The following COQ5 variants were observed in gnomAD, a reference collection of about 807,000 sequenced individuals.
COQ5 encodes the protein coenzyme Q5, methyltransferase.
A neutral mutation model predicts 40.5 loss-of-function variants in COQ5; 27 were observed. The ratio of observed to expected loss-of-function variants is 0.67; its 90% CI spans 0.49 to 0.92. The LOEUF is 0.92. COQ5 is among the 40% of genes least tolerant of loss of function. The pLI, the probability that COQ5 is intolerant of heterozygous loss-of-function variation, is 0.00. For synonymous variants in COQ5, 141 were observed against 150.0 expected (o/e 0.94, Z 0.44); for missense variants, 409 against 406.4 (o/e 1.01, Z -0.06).
chr12:120,528,735 C>A (rs1870081459), intron 1 of COQ5, among the ~76,000 whole-genome samples: 1 of 150,520 alleles, frequency 6.6e-6, no homozygotes, highest in Non-Finnish European at 1.5e-5. Flanking sequence ...ACCCGGGAGG[C>A]GGAGGTTGCA....
intron 1 of COQ5, 194 bp from the exon 2 acceptor site, chr12:120,522,557 GATTT>G (rs1188575615): frequency 9.2e-6 from 6 of 650,940 alleles, no homozygotes; most frequent in African/African-American, 1.8e-5. Flanking sequence ...TCCTGCCTCA[GATTT>G]ATTTGTACAA....
chr12:120,527,689 T>C (rs1259553154), intron 1 of COQ5, among the ~76,000 whole-genome samples: 1 of 151,964 alleles, frequency 6.6e-6, no homozygotes, highest in African/African-American at 2.4e-5. Flanking sequence ...TTGTAAAATG[T>C]TGATTATACA....
intron 3 of COQ5, among the ~76,000 whole-genome samples, chr12:120,512,185 G>A (rs1565930317): frequency 6.6e-6 from 1 of 152,058 alleles, no homozygotes; most frequent in Non-Finnish European, 1.5e-5. Flanking sequence ...ACTCCAGCCT[G>A]GGTGACAGAA....
At chr12:120,511,774 GTAAAC>G (rs1869146311) in intron 3 of COQ5, among the ~76,000 whole-genome samples, 1 of 152,160 alleles carries the variant, frequency 6.6e-6, no homozygotes, top group Non-Finnish European at 1.5e-5. Flanking sequence ...TATACAGTCA[GTAAAC>G]GAATGAATCC....
At position 120,504,074 on chromosome 12, in the gene COQ5, C is replaced by T. The variant is rs200490457; in HGVS notation, c.778G>A (p.Asp260Asn). Residue 260 changes from aspartate (D) to asparagine (N), a missense_variant, in exon 6 of 7, where the codon GAT becomes AAT. By Grantham distance (23) the Asp-to-Asn change is conservative. Coordinates refer to ENST00000288532, the MANE Select transcript of COQ5 (RefSeq NM_032314.4). The part of the protein sequence containing the change: ...VNNPLISRLY[D>N]LYSFQVIPVL... Reference sequence around the variant, plus strand: ...GGGATGACCTGGAAGCTATATAGATCATAAAGCCTAGGCAAACAAAAAGGT... The same window carrying T: ...GGGATGACCTGGAAGCTATATAGATTATAAAGCCTAGGCAAACAAAAAGGT... 9.9e-5 allele frequency: 158 copies of T among 1,594,928 alleles called. No homozygotes were observed. The East Asian group carries it at 3.2e-3, about 33-fold the overall frequency.
chr12:120,508,096 A>C (rs567426816), intron 4 of COQ5, among the ~76,000 whole-genome samples: 1 of 151,802 alleles, frequency 6.6e-6, no homozygotes, highest in Admixed American at 6.6e-5. Flanking sequence ...CCTGGGTTCA[A>C]GGGATTTTCC....
intron 1 of COQ5, chr12:120,526,792 G>A: frequency 6.0e-6 from 1 of 166,114 alleles, no homozygotes; most frequent in South Asian, 8.5e-5. Flanking sequence ...TCGGCTCACT[G>A]CAAGCTCCTC....
intron 4 of COQ5, among the ~76,000 whole-genome samples, chr12:120,509,113 A>G (rs78355376): frequency 0.085 from 13,008 of 152,166 alleles, 696 homozygotes; most frequent in Non-Finnish European, 0.11. Flanking sequence ...GATGAACACC[A>G]TAAAGAACTT....
intron 1 of COQ5, among the ~76,000 whole-genome samples, chr12:120,526,152 C>T (rs1388994179): frequency 8.5e-4 from 129 of 152,190 alleles, no homozygotes; most frequent in Non-Finnish European, 8.8e-5. Context: ...AGCAACCAAT[C>T]ACGCACTTCT....
chr12:120,504,511 G>T (rs1326620242), intron 5 of COQ5: 1 of 294,070 alleles, frequency 3.4e-6, no homozygotes, highest in Non-Finnish European at 6.4e-6. Flanking sequence ...GCCTCCCAAA[G>T]TGCTGGGATT....
rs965732762 is a variant in COQ5 at position 120,527,877 on chromosome 12, C to G, written c.202+1063G>C. 2.0e-5 allele frequency among the ~76,000 whole-genome samples: 3 copies of G among 150,438 alleles called. No individual in the cohort carries two copies. In the South Asian group the frequency reaches 6.3e-4, roughly 31 times the overall value. ...TGGCGGGCCCCTGTAGTCCCAGCTA[C>G]TCGGGAGGCTGAGGCAGGAGAATGG... On this transcript the variant is annotated intron_variant, in intron 1 of 6. Coordinates refer to ENST00000288532, the MANE Select transcript of COQ5 (RefSeq NM_032314.4).
chr12:120,504,113 T>A, intron 5 of COQ5, 32 bp from the exon 6 acceptor site: 1 of 1,226,194 alleles, frequency 8.2e-7, no homozygotes, highest in Non-Finnish European at 1.2e-6. Context: ...AGATGAAGAT[T>A]AGAACATGCC....
At chr12:120,527,944 G>C (rs1217780703) in intron 1 of COQ5, among the ~76,000 whole-genome samples, 14 of 127,984 alleles carry the variant, frequency 1.1e-4, no homozygotes, top group African/African-American at 4.1e-4. Context: ...CCGAGATCGC[G>C]CCACTGCCTT....
At chr12:120,526,273 A>C (rs766296475) in intron 1 of COQ5, among the ~76,000 whole-genome samples, 1 of 152,226 alleles carries the variant, frequency 6.6e-6, no homozygotes, top group Non-Finnish European at 1.5e-5. Flanking sequence ...ACGTGGCATA[A>C]CTGGATAAAT....
At chr12:120,522,547 TCCTGCCTCAGATTTA>T in intron 1 of COQ5, 184 bp from the exon 2 acceptor site, 1 of 657,906 alleles carries the variant, frequency 1.5e-6, no homozygotes, top group Non-Finnish European at 2.7e-6. Flanking sequence ...TATTTTTTTT[TCCTGCCTCAGATTTA>T]TTTGTACAAA....
chr12:120,517,752 CT>C (rs1015436396), intron 2 of COQ5, among the ~76,000 whole-genome samples: 15 of 151,846 alleles, frequency 9.9e-5, no homozygotes, highest in African/African-American at 3.4e-4. Context: ...AAATCCAGTG[CT>C]TTGTAGAATC....
In COQ5 at chr12:120,513,052, G is replaced by A. The variant is rs1290448434; in HGVS notation, c.575-2929C>T. Among the ~76,000 whole-genome samples, 8 of 150,150 alleles carry A rather than the reference G, an allele frequency of 5.3e-5. No homozygotes were observed. The East Asian group carries it at 6.1e-4, about 11-fold the overall frequency. On this transcript the variant is annotated intron_variant, in intron 3 of 6. Transcript: ENST00000288532. ...TGACCTGAGGTGATCCACCTGCCTC[G>A]GCCTCCCAAAGTGCTGGGATTACAG...
intron 3 of COQ5, among the ~76,000 whole-genome samples, chr12:120,512,013 CATCCGGG>C (rs1869157922): frequency 6.6e-6 from 1 of 151,684 alleles, no homozygotes; most frequent in Non-Finnish European, 1.5e-5. Context: ...AGTTCAAGAC[CATCCGGG>C]CTAACACGGT....
At chr12:120,528,212 A>G (rs1672511850) in intron 1 of COQ5, among the ~76,000 whole-genome samples, 1 of 84,532 alleles carries the variant, frequency 1.2e-5, no homozygotes, top group Non-Finnish European at 3.2e-5. Context: ...CAAAATAAAT[A>G]AATAAATAAA....
Sources: allele counts gnomAD v4.1 joint callset (sites outside exome capture counted in the v4.1 genomes callset), GRCh38; gene constraint gnomAD v4.1.1; transcripts MANE v1.5; gene names NCBI Gene and HGNC (gene_info 2026-07-23, HGNC 2026-07-21).